The following PTPRN2 variants were observed in gnomAD, a reference collection of about 807,000 sequenced individuals.
PTPRN2 encodes protein tyrosine phosphatase receptor type N2, also known as receptor-type tyrosine-protein phosphatase N2.
PTPRN2 carries 74 observed loss-of-function variants against 118.8 expected under a neutral mutation model. That is an observed-to-expected ratio of 0.62 (90% confidence interval 0.52 to 0.76). PTPRN2 has a LOEUF of 0.76. Among genes scored for constraint, PTPRN2 ranks in the 30% least tolerant of loss-of-function variants. The pLI, the probability that PTPRN2 is intolerant of heterozygous loss-of-function variation, is 0.00. For missense variants in PTPRN2, 1,481 were observed against 1,394.4 expected (o/e 1.06, Z -0.99); for synonymous variants, 641 against 608.0 (o/e 1.05, Z -0.80).
chr7:158,110,736 C>T, intron 10 of PTPRN2, 93 bp downstream of exon 10: 2 of 1,208,584 alleles, frequency 1.7e-6, no homozygotes, highest in Non-Finnish European at 2.4e-6. Flanking sequence ...ATGTAATTAA[C>T]AAGAGCCATG....
intron 12 of PTPRN2, among the ~76,000 whole-genome samples, chr7:157,692,317 C>T (rs1254079220): frequency 1.3e-5 from 2 of 152,174 alleles, no homozygotes; most frequent in Admixed American, 1.3e-4. Context: ...CAGGCCCAGG[C>T]GGCGCTTCCA....
At chr7:158,342,253 G>A (rs1356354436) in intron 2 of PTPRN2, among the ~76,000 whole-genome samples, 2 of 106,346 alleles carry the variant, frequency 1.9e-5, no homozygotes, top group South Asian at 3.0e-4. Flanking sequence ...GCTGACGCCC[G>A]CAGACGTCAC....
At chr7:158,336,257 C>G (rs1189334332) in intron 2 of PTPRN2, among the ~76,000 whole-genome samples, 1 of 76,184 alleles carries the variant, frequency 1.3e-5, no homozygotes, top group African/African-American at 5.3e-5. Flanking sequence ...ACGTCACTCG[C>G]ACTCACACTC....
At chr7:157,888,452 C>G (rs944999496) in intron 12 of PTPRN2, among the ~76,000 whole-genome samples, 5 of 152,278 alleles carry the variant, frequency 3.3e-5, no homozygotes, top group African/African-American at 1.2e-4. Flanking sequence ...ACGTGAGCTT[C>G]TCTTCCTCCT....
At chr7:158,445,572 C>G (rs1033597515) in intron 2 of PTPRN2, among the ~76,000 whole-genome samples, 1 of 152,256 alleles carries the variant, frequency 6.6e-6, no homozygotes, top group African/African-American at 2.4e-5. Context: ...CTAATCTCCA[C>G]CCACCCCTCG....
chr7:158,117,539 T>G (rs575774654), intron 9 of PTPRN2, among the ~76,000 whole-genome samples: 3 of 152,140 alleles, frequency 2.0e-5, no homozygotes, highest in Admixed American at 6.5e-5. Context: ...CTTCCCAAGT[T>G]TGATGAAAGA....
chr7:157,792,458 G>A (rs868726304), intron 12 of PTPRN2, among the ~76,000 whole-genome samples: 2 of 152,202 alleles, frequency 1.3e-5, no homozygotes, highest in Non-Finnish European at 2.9e-5. Context: ...GAGCTCAGCC[G>A]AGGTCTCCGC....
In PTPRN2 at chr7:157,861,546, C is replaced by G. The variant is rs1238941501; in HGVS notation, c.1788+37127G>C. 6.6e-6 allele frequency among the ~76,000 whole-genome samples: 1 copy of G among 152,226 alleles called. No homozygotes were observed. Among genetic ancestry groups the G allele is most frequent in the Non-Finnish European group, 1.5e-5 (1 of 68,040 alleles). Reference sequence around the variant, plus strand: ...GTGGCCTCCCCACCTTACCTGCAGACACGCTCCCTGTACTCAAAGCCGAGC... The same window carrying G: ...GTGGCCTCCCCACCTTACCTGCAGAGACGCTCCCTGTACTCAAAGCCGAGC... On this transcript the variant is annotated intron_variant, in intron 12 of 22. Coordinates refer to ENST00000389418, the MANE Select transcript of PTPRN2 (RefSeq NM_002847.5). This position sits in a 1 kb window ranked among gnomAD's most constrained non-coding sequence, Gnocchi z 5.8.
chr7:157,807,587 A>G (rs544274872), intron 12 of PTPRN2, among the ~76,000 whole-genome samples: 4 of 152,280 alleles, frequency 2.6e-5, no homozygotes, highest in African/African-American at 9.6e-5. Flanking sequence ...GACTGCTCCT[A>G]TTTCTACTGT....
intron 2 of PTPRN2, among the ~76,000 whole-genome samples, chr7:158,391,869 C>T (rs1337074342): frequency 1.3e-5 from 2 of 152,230 alleles, no homozygotes; most frequent in Admixed American, 6.5e-5. Flanking sequence ...GCACTGCTCT[C>T]ACCAGAATTT....
intron 12 of PTPRN2, among the ~76,000 whole-genome samples, chr7:157,887,902 C>A (rs1197339555): frequency 1.3e-5 from 2 of 148,190 alleles, no homozygotes; most frequent in Non-Finnish European, 3.0e-5. Context: ...CATACCCACT[C>A]CCCCCAGTAC....
At chr7:158,178,593 T>C (rs78004646) in intron 5 of PTPRN2, among the ~76,000 whole-genome samples, 5,214 of 57,640 alleles carry the variant, frequency 0.09, 533 homozygotes, top group African/African-American at 0.4. Context: ...TTCTTTCTTT[T>C]TTTTTTTTTT....
At chr7:157,631,342 G>A (rs1803927759) in intron 14 of PTPRN2, among the ~76,000 whole-genome samples, 1 of 152,214 alleles carries the variant, frequency 6.6e-6, no homozygotes, top group Admixed American at 6.5e-5. Context: ...GAAACAACGT[G>A]TGGTGCGTGT....
chr7:158,053,068 G>C (rs1809459033), intron 11 of PTPRN2, among the ~76,000 whole-genome samples: 1 of 152,192 alleles, frequency 6.6e-6, no homozygotes, highest in Non-Finnish European at 1.5e-5. Context: ...ACAACCCCCA[G>C]AAGCACAGTC....
intron 3 of PTPRN2, among the ~76,000 whole-genome samples, chr7:158,226,378 G>C (rs986518533): frequency 6.6e-6 from 1 of 152,196 alleles, no homozygotes; most frequent in African/African-American, 2.4e-5. Flanking sequence ...GGTCACTGGG[G>C]AAGAGGAAAT....
At chr7:157,916,686 G>A (rs1324201519) in intron 11 of PTPRN2, among the ~76,000 whole-genome samples, 1 of 152,222 alleles carries the variant, frequency 6.6e-6, no homozygotes, top group Non-Finnish European at 1.5e-5. Flanking sequence ...GAGATGCTTA[G>A]GAGCCCCCAG....
At chr7:157,982,762 A>G (rs374438043) in intron 11 of PTPRN2, among the ~76,000 whole-genome samples, 23 of 45,570 alleles carry the variant, frequency 5.0e-4, no homozygotes, top group South Asian at 9.7e-4. Context: ...TGCAGAGTGC[A>G]GGGTCCCCCC....
chr7:157,910,325 CA>C (rs993697913), intron 11 of PTPRN2, among the ~76,000 whole-genome samples: 1 of 149,572 alleles, frequency 6.7e-6, no homozygotes, highest in Non-Finnish European at 1.5e-5. Context: ...GGTCCAGGAT[CA>C]CGCACGTACG....
chr7:158,458,207 C>T (rs1024715592), intron 2 of PTPRN2, among the ~76,000 whole-genome samples: 4 of 152,144 alleles, frequency 2.6e-5, no homozygotes, highest in Non-Finnish European at 4.4e-5. Context: ...CTGCCCCAGA[C>T]GCCACAGCAA....
Sources: allele counts gnomAD v4.1 joint callset (sites outside exome capture counted in the v4.1 genomes callset), GRCh38; gene constraint gnomAD v4.1.1; non-coding constraint Gnocchi (gnomAD v3.1); transcripts MANE v1.5; gene names NCBI Gene and HGNC (gene_info 2026-07-23, HGNC 2026-07-21).